ACYP2: variants seen among roughly 807,000 people sequenced by gnomAD.
ACYP2 encodes the protein acylphosphatase-2.
ACYP2 carries 12 observed loss-of-function variants against 11.2 expected under a neutral mutation model. The observed-to-expected ratio is 1.08, with a 90% CI of 0.69 to 1.74. The LOEUF (loss-of-function observed/expected upper bound fraction) is 1.74, where lower values mean the gene tolerates loss of function less well. Ranked by LOEUF, ACYP2 falls within the 40% of genes most tolerant of loss-of-function variation. ACYP2 has a pLI of 0.00. For synonymous variants in ACYP2, 43 were observed against 32.2 expected, an observed-to-expected ratio of 1.33 and a Z score of -1.13; for missense variants, 134 against 101.9, an observed-to-expected ratio of 1.31 and a Z score of -1.35.
chr2:54,148,362 G>A (rs1681994019), intron 6 of ACYP2, among the ~76,000 whole-genome samples: 1 of 152,108 alleles, frequency 6.6e-6, no homozygotes, highest in South Asian at 2.1e-4. Context: ...ATTTTAATGG[G>A]GCTTCAGGTG....
At chr2:54,201,207 G>A (rs527251764) in intron 6 of ACYP2, among the ~76,000 whole-genome samples, 4 of 151,572 alleles carry the variant, frequency 2.6e-5, no homozygotes, top group South Asian at 4.2e-4. Flanking sequence ...CTGGGTTCAC[G>A]CCATTCTCCT....
intron 6 of ACYP2, among the ~76,000 whole-genome samples, chr2:54,163,951 A>G (rs935953622): frequency 1.3e-5 from 2 of 152,234 alleles, no homozygotes; most frequent in African/African-American, 4.8e-5. Context: ...TAAAAAGGAT[A>G]AAGTCCTTGA....
chr2:54,276,178 CCATGTCTTTA>C (rs1261458469), intron 6 of ACYP2, among the ~76,000 whole-genome samples: 6 of 136,852 alleles, frequency 4.4e-5, no homozygotes, highest in African/African-American at 1.2e-4. Context: ...ACAACTTCAT[CCATGTCTTTA>C]CAGAAAAAGT....
intron 6 of ACYP2, among the ~76,000 whole-genome samples, chr2:54,191,686 T>G (rs891369294): frequency 6.6e-6 from 1 of 152,230 alleles, no homozygotes; most frequent in Non-Finnish European, 1.5e-5. Context: ...TAACCATTAT[T>G]ATTACTGGAG....
At chr2:54,282,834 C>G (rs574844588) in intron 6 of ACYP2, among the ~76,000 whole-genome samples, 1 of 152,024 alleles carries the variant, frequency 6.6e-6, no homozygotes, top group Non-Finnish European at 1.5e-5. Context: ...TGTGTGTATA[C>G]TTGTATATGC....
At chr2:54,141,385 C>A (rs112164319) in intron 6 of ACYP2, among the ~76,000 whole-genome samples, 75 of 152,196 alleles carry the variant, frequency 4.9e-4, no homozygotes, top group African/African-American at 1.8e-3. Context: ...TAACTTGATG[C>A]TCTATTTATT....
chr2:54,201,863 C>CA (rs1558609536), intron 6 of ACYP2, among the ~76,000 whole-genome samples: 2 of 151,528 alleles, frequency 1.3e-5, no homozygotes, highest in African/African-American at 2.4e-5. Context: ...TGTGCGCCCC[C>CA]ACGCCTGGCT....
At chr2:54,183,191 C>G (rs992756216) in intron 6 of ACYP2, among the ~76,000 whole-genome samples, 1 of 152,044 alleles carries the variant, frequency 6.6e-6, no homozygotes, top group African/African-American at 2.4e-5. Flanking sequence ...GCTATGGTTT[C>G]CATATGACTA....
intron 6 of ACYP2, among the ~76,000 whole-genome samples, chr2:54,150,580 C>T (rs966199107): frequency 3.3e-5 from 5 of 151,928 alleles, no homozygotes; most frequent in Admixed American, 3.3e-4. Context: ...GGCCACCATA[C>T]GCAGCTAATT....
At chr2:54,130,815 T>A (rs980695959) in intron 4 of ACYP2, among the ~76,000 whole-genome samples, 4 of 152,220 alleles carry the variant, frequency 2.6e-5, no homozygotes, top group Non-Finnish European at 5.9e-5. Context: ...CCTTTGAGCA[T>A]GCTCTCCTAT....
At chr2:54,033,560 G>T (rs1399078951) in intron 2 of ACYP2, among the ~76,000 whole-genome samples, 1 of 152,166 alleles carries the variant, frequency 6.6e-6, no homozygotes, top group Non-Finnish European at 1.5e-5. Flanking sequence ...GTGGGGGAAT[G>T]ATGAAAATTG....
At position 54,263,124 on chromosome 2, in the gene ACYP2, G is replaced by T. The variant is rs563240693; in HGVS notation, c.405-41564G>T. On this transcript the variant is annotated intron_variant, in intron 6 of 6. Transcript: ENST00000607452. ...ATTTATAAAGAAAAAAGTGTAATTG[G>T]TTCAGCAGGCTTTACAGGAAGCATA... Among the ~76,000 whole-genome samples the T allele has an allele frequency of 3.3e-5, 5 of 152,284 alleles. No individual in the cohort carries two copies. In the East Asian group the frequency reaches 9.7e-4, roughly 29 times the overall value.
At chr2:54,235,332 T>C (rs1686425923) in intron 6 of ACYP2, among the ~76,000 whole-genome samples, 1 of 152,038 alleles carries the variant, frequency 6.6e-6, no homozygotes. Flanking sequence ...CCTCCTAGAC[T>C]CACAAGTTTT....
intron 6 of ACYP2, among the ~76,000 whole-genome samples, chr2:54,286,037 T>C (rs1689064264): frequency 1.3e-5 from 2 of 152,210 alleles, no homozygotes; most frequent in East Asian, 1.9e-4. Flanking sequence ...ATAAACCCAT[T>C]GTAAGTTGAA....
In ACYP2 at chr2:54,075,560, C is replaced by T. The variant is rs556456435; in HGVS notation, c.277+18200C>T. On this transcript the variant is annotated intron_variant, in intron 4 of 6. Transcript: ENST00000607452. ...GGACACGGTGGTTCATGCTTGTAAT[C>T]CCAGCACTTTGGGAGGCCAAGGCAG... Among the ~76,000 whole-genome samples the T allele has an allele frequency of 1.2e-3, 182 of 151,230 alleles. 1 individual carries two copies. Among genetic ancestry groups the T allele is most frequent in the African/African-American group, 4.1e-3 (168 of 41,176 alleles).
Position 54,004,625 on chromosome 2 carries a change from T to C in ACYP2, c.62+30815T>C, listed in dbSNP as rs191883619. Among the ~76,000 whole-genome samples, 563 of 151,444 alleles carry C rather than the reference T, an allele frequency of 3.7e-3. 2 individuals are homozygous for C. Among genetic ancestry groups the C allele is most frequent in the Middle Eastern group, 0.031 (9 of 288 alleles). ...ACGGGTTTCACAGTGTTAGCCAGGA[T>C]GGTCTTGATCTCCTGACCTTGTGAT... is the stretch of plus-strand genomic sequence containing the variant. On this transcript the variant is annotated intron_variant, in intron 2 of 6. Transcript: ENST00000607452.
intron 4 of ACYP2, among the ~76,000 whole-genome samples, chr2:54,063,378 T>A (rs1421376188): frequency 6.6e-6 from 1 of 152,172 alleles, no homozygotes; most frequent in East Asian, 1.9e-4. Context: ...AGACACTGGA[T>A]TTTTTTCCAT....
rs1447848169 is a variant in ACYP2 at position 54,057,300 on chromosome 2, C to G, written c.217C>G (p.Pro73Ala). Residue 73 changes from proline (P) to alanine (A), a missense_variant, in exon 4 of 7, where the codon CCA (proline) becomes GCA (alanine). Coordinates refer to ENST00000607452, the MANE Select transcript of ACYP2 (RefSeq NM_001320586.2). Reference sequence around the variant, plus strand: ...TCAAGTCATAATTGTGAGTGAAGAACCATGGAAGGAGAACATTTCTTGCTC... The same window carrying G: ...TCAAGTCATAATTGTGAGTGAAGAAGCATGGAAGGAGAACATTTCTTGCTC... The G allele has an allele frequency of 5.0e-6, 2 of 397,842 alleles. No homozygotes were observed. Among genetic ancestry groups the G allele is most frequent in the Non-Finnish European group, 8.9e-6 (2 of 225,744 alleles). 24.6% of individuals were successfully genotyped at this position (397,842 alleles called of 1,614,324 possible).
intron 6 of ACYP2, among the ~76,000 whole-genome samples, chr2:54,158,793 T>C (rs1054561565): frequency 3.9e-5 from 6 of 152,128 alleles, no homozygotes; most frequent in African/African-American, 9.7e-5. Context: ...AGTAAAAAAA[T>C]TGTATTGATT....
Sources: allele counts gnomAD v4.1 joint callset (sites outside exome capture counted in the v4.1 genomes callset), GRCh38; gene constraint gnomAD v4.1.1; transcripts MANE v1.5; gene names NCBI Gene and HGNC (gene_info 2026-07-23, HGNC 2026-07-21).